Variants in GPC5 observed in about 807,000 individuals in gnomAD.
GPC5 encodes the protein glypican-5.
In GPC5, 47 loss-of-function variants were observed where a neutral mutation model predicts 53.9. That is an observed-to-expected ratio of 0.87 (90% CI 0.69 to 1.11). GPC5 has a LOEUF of 1.11. GPC5 is among the 50% of genes most tolerant of loss of function. The probability of loss-of-function intolerance (pLI) is 0.00; values close to 1 mark genes in which losing one functional copy is unlikely to be tolerated. For synonymous variants in GPC5, 286 were observed against 263.3 expected, an observed-to-expected ratio of 1.09 and a Z score of -0.84; for missense variants, 748 against 713.1, an observed-to-expected ratio of 1.05 and a Z score of -0.56.
chr13:92,470,369 AT>A lies in GPC5; in HGVS notation c.1561+325387del. On this transcript the variant is annotated intron_variant, in intron 7 of 7. Coordinates refer to ENST00000377067, the MANE Select transcript of GPC5 (RefSeq NM_004466.6). ...CACGATATTGACTTTCTTTTTTTAA[AT>A]TTTTTTATTATACCTTAAGTTCTGG... is the stretch of plus-strand genomic sequence containing the variant. Among the ~76,000 whole-genome samples the A allele has an allele frequency of 1.3e-5, 2 of 152,128 alleles. 1 individual carries two copies. Among genetic ancestry groups the A allele is most frequent in the Middle Eastern group, 6.8e-3 (2 of 292 alleles).
rs116476332 is a variant in GPC5 at position 92,050,805 on chromosome 13, A to G, written c.1402-94025A>G. Among the ~76,000 whole-genome samples, 488 of 152,302 alleles carry G rather than the reference A, an allele frequency of 3.2e-3. 1 individual carries two copies. The highest frequency in any genetic ancestry group is 0.011 in the African/African-American group (465 of 41,558). On this transcript the variant is annotated intron_variant, in intron 6 of 7. Transcript: ENST00000377067. ...TTTACAAACCCCAGTGTTCCAAAAG[A>G]TATTAATAGATCACCCTAAGAAAAC...
At chr13:91,625,748 G>A (rs770338231) in intron 2 of GPC5, among the ~76,000 whole-genome samples, 47 of 151,922 alleles carry the variant, frequency 3.1e-4, no homozygotes, top group Non-Finnish European at 1.0e-4. Flanking sequence ...AGAATGAATT[G>A]GAGAAACTTA....
chr13:91,663,743 C>T (rs1357186368), intron 2 of GPC5, among the ~76,000 whole-genome samples: 3 of 152,058 alleles, frequency 2.0e-5, no homozygotes, highest in African/African-American at 7.2e-5. Flanking sequence ...GGATTACAGG[C>T]ATTAGTCATA....
At chr13:92,237,655 G>A (rs2042580246) in intron 7 of GPC5, among the ~76,000 whole-genome samples, 2 of 152,016 alleles carry the variant, frequency 1.3e-5, no homozygotes, top group South Asian at 4.2e-4. Context: ...AATTTTTTAT[G>A]GCATCTTTGT....
chr13:92,075,280 G>A (rs896142556), intron 6 of GPC5, among the ~76,000 whole-genome samples: 1 of 152,142 alleles, frequency 6.6e-6, no homozygotes, highest in Non-Finnish European at 1.5e-5. Context: ...GACACTGTCT[G>A]CAATATCAAA....
intron 7 of GPC5, among the ~76,000 whole-genome samples, chr13:92,685,732 T>G: frequency 1.0e-5 from 1 of 96,476 alleles, no homozygotes; most frequent in Non-Finnish European, 2.0e-5. Context: ...CCCACCACAG[T>G]CCCCAGAGTG....
chr13:91,979,800 G>T (rs2040341141), intron 6 of GPC5, among the ~76,000 whole-genome samples: 1 of 131,602 alleles, frequency 7.6e-6, no homozygotes, highest in Admixed American at 7.6e-5. Flanking sequence ...TAAGATTGCA[G>T]CAACAGCACT....
intron 5 of GPC5, among the ~76,000 whole-genome samples, chr13:91,789,642 C>T (rs2037932382): frequency 6.6e-6 from 1 of 152,120 alleles, no homozygotes; most frequent in South Asian, 2.1e-4. Flanking sequence ...TGACTTTCTA[C>T]TATACAGACA....
intron 7 of GPC5, among the ~76,000 whole-genome samples, chr13:92,392,626 A>T (rs764242751): frequency 6.6e-6 from 1 of 152,184 alleles, no homozygotes; most frequent in African/African-American, 2.4e-5. Context: ...AACCTACAGA[A>T]TAGGAGAAAA....
intron 7 of GPC5, among the ~76,000 whole-genome samples, chr13:92,676,378 C>T (rs1255301048): frequency 1.3e-5 from 2 of 152,052 alleles, no homozygotes; most frequent in Non-Finnish European, 2.9e-5. Flanking sequence ...CCAAATATAT[C>T]TCTACTGTGA....
At chr13:91,493,384 A>G (rs1273825792) in intron 2 of GPC5, among the ~76,000 whole-genome samples, 1 of 152,214 alleles carries the variant, frequency 6.6e-6, no homozygotes, top group Non-Finnish European at 1.5e-5. Flanking sequence ...AAAATGTACA[A>G]TTAAATTCCT....
At chr13:92,704,107 G>A (rs868699465) in intron 7 of GPC5, among the ~76,000 whole-genome samples, 6 of 152,148 alleles carry the variant, frequency 3.9e-5, no homozygotes, top group East Asian at 3.9e-4. Flanking sequence ...TCTCATTGGC[G>A]TTGGAAGTTT....
intron 2 of GPC5, among the ~76,000 whole-genome samples, chr13:91,497,103 A>C (rs773440129): frequency 4.6e-5 from 7 of 152,116 alleles, no homozygotes; most frequent in Non-Finnish European, 8.8e-5. Flanking sequence ...AAAACAAATA[A>C]TGGCCTTTTA....
intron 5 of GPC5, among the ~76,000 whole-genome samples, chr13:91,866,219 A>G (rs1461730043): frequency 1.3e-5 from 2 of 152,228 alleles, no homozygotes; most frequent in African/African-American, 4.8e-5. Context: ...ATGAAAAGGT[A>G]TAAATGTCTC....
chr13:91,815,863 C>G (rs1318911950), intron 5 of GPC5, among the ~76,000 whole-genome samples: 1 of 152,156 alleles, frequency 6.6e-6, no homozygotes, highest in African/African-American at 2.4e-5. Context: ...TCTCCACTTT[C>G]TTCTTTGTTT....
intron 3 of GPC5, among the ~76,000 whole-genome samples, chr13:91,727,577 G>C (rs1016987083): frequency 3.9e-5 from 6 of 152,152 alleles, no homozygotes; most frequent in Admixed American, 3.9e-4. Context: ...TGGATGCATA[G>C]CTTCTTCAAT....
chr13:92,475,943 G>C (rs1475754719), intron 7 of GPC5, among the ~76,000 whole-genome samples: 1 of 151,966 alleles, frequency 6.6e-6, no homozygotes, highest in African/African-American at 2.4e-5. Flanking sequence ...AAAAAGCCTA[G>C]AAGAAAACCT....
rs563844325 is a variant in GPC5, at chr13:91,780,621, G to T, written c.1280+24201G>T. Among the ~76,000 whole-genome samples the T allele has an allele frequency of 1.6e-4, 24 of 152,210 alleles. No homozygotes were observed. The South Asian group carries it at 4.4e-3, about 28-fold the overall frequency. On this transcript the variant is annotated intron_variant, in intron 5 of 7. Coordinates refer to ENST00000377067, the MANE Select transcript of GPC5 (RefSeq NM_004466.6). ...ACTTGAAGTCAATGCATAATGTGGA[G>T]ATTTGTTAAAATATCATAATTGCTA... is the stretch of plus-strand genomic sequence containing the variant.
At chr13:92,547,914 C>T (rs1393260189) in intron 7 of GPC5, among the ~76,000 whole-genome samples, 1 of 147,862 alleles carries the variant, frequency 6.8e-6, no homozygotes, top group East Asian at 2.0e-4. Flanking sequence ...ACTGCAAGCT[C>T]CGCCTCCCGG....
Sources: allele counts gnomAD v4.1 joint callset (sites outside exome capture counted in the v4.1 genomes callset), GRCh38; gene constraint gnomAD v4.1.1; transcripts MANE v1.5; gene names NCBI Gene and HGNC (gene_info 2026-07-23, HGNC 2026-07-21).